Variants in PRKCE observed in about 807,000 individuals in gnomAD.
PRKCE encodes the protein protein kinase C epsilon.
Under a neutral mutation model 85.4 loss-of-function variants are expected in PRKCE, and 16 were observed. That is an observed-to-expected ratio of 0.19 (90% CI 0.13 to 0.28). The LOEUF (loss-of-function observed/expected upper bound fraction) is 0.28. Among genes scored for constraint, PRKCE ranks in the 10% least tolerant of loss-of-function variants. PRKCE has a pLI of 1.00. For synonymous variants in PRKCE, 388 were observed against 371.5 expected, an observed-to-expected ratio of 1.04 and a Z score of -0.51; for missense variants, 573 against 975.2, an observed-to-expected ratio of 0.59 and a Z score of 5.49.
intron 1 of PRKCE, among the ~76,000 whole-genome samples, chr2:45,824,206 G>T (rs1689760943): frequency 6.6e-6 from 1 of 152,240 alleles, no homozygotes; most frequent in Non-Finnish European, 1.5e-5. Flanking sequence ...GGACTGTTCT[G>T]TTGTTAACAC....
intron 1 of PRKCE, among the ~76,000 whole-genome samples, chr2:45,800,642 G>T (rs1364165489): frequency 6.6e-6 from 1 of 152,228 alleles, no homozygotes; most frequent in African/African-American, 2.4e-5. Flanking sequence ...GGGCTGCTGG[G>T]CAAGGGGTCA....
intron 2 of PRKCE, among the ~76,000 whole-genome samples, chr2:45,965,866 T>C (rs1171785061): frequency 6.6e-6 from 1 of 152,246 alleles, no homozygotes; most frequent in African/African-American, 2.4e-5. Flanking sequence ...AGTTTCTTGG[T>C]GGGCTTAGCA....
intron 1 of PRKCE, among the ~76,000 whole-genome samples, chr2:45,817,156 C>T (rs868457514): frequency 3.6e-4 from 54 of 150,614 alleles, no homozygotes; most frequent in Middle Eastern, 3.4e-3. Context: ...TTTTGGGCAA[C>T]GCTTTGCAGC....
chr2:45,897,985 A>G (rs369255956), intron 2 of PRKCE, among the ~76,000 whole-genome samples: 23 of 152,310 alleles, frequency 1.5e-4, no homozygotes, highest in African/African-American at 4.6e-4. Context: ...TTTCAGAAGT[A>G]TATACCTCTT....
intron 1 of PRKCE, among the ~76,000 whole-genome samples, chr2:45,839,636 C>T (rs1384199747): frequency 6.6e-6 from 1 of 152,174 alleles, no homozygotes; most frequent in Non-Finnish European, 1.5e-5. Context: ...CAGGGCTGGG[C>T]ACTTACATTG....
At chr2:45,756,932 A>G (rs996697279) in intron 1 of PRKCE, among the ~76,000 whole-genome samples, 1 of 152,174 alleles carries the variant, frequency 6.6e-6, no homozygotes. Flanking sequence ...ATGTGTGTCA[A>G]AACTTATCAA....
At chr2:45,838,486 C>A (rs1458827971) in intron 1 of PRKCE, among the ~76,000 whole-genome samples, 1 of 152,158 alleles carries the variant, frequency 6.6e-6, no homozygotes, top group Non-Finnish European at 1.5e-5. Flanking sequence ...TGTCATTGCC[C>A]TTCTTTCATG....
chr2:46,142,692 G>A (rs968858040), intron 11 of PRKCE, among the ~76,000 whole-genome samples: 2 of 152,356 alleles, frequency 1.3e-5, no homozygotes, highest in South Asian at 4.1e-4. Flanking sequence ...GGGAGGGTGA[G>A]CATCTGGGGC....
intron 1 of PRKCE, among the ~76,000 whole-genome samples, chr2:45,825,243 G>A (rs568898802): frequency 1.3e-5 from 2 of 152,348 alleles, no homozygotes; most frequent in South Asian, 2.1e-4. Context: ...TGGCTCTGCA[G>A]CCTAAGTAAG....
At chr2:45,837,744 C>G (rs1007843224) in intron 1 of PRKCE, among the ~76,000 whole-genome samples, 2 of 152,110 alleles carry the variant, frequency 1.3e-5, no homozygotes, top group African/African-American at 2.4e-5. Context: ...ATACTGTTAC[C>G]ACGCCTGTAA....
chr2:45,661,871 T>C (rs927859511), intron 1 of PRKCE, among the ~76,000 whole-genome samples: 23 of 152,062 alleles, frequency 1.5e-4, no homozygotes, highest in African/African-American at 5.3e-4. Context: ...GATGAGTGAA[T>C]CTAGAACTAA....
chr2:45,669,852 A>G (rs1215381075), intron 1 of PRKCE, among the ~76,000 whole-genome samples: 1 of 152,142 alleles, frequency 6.6e-6, no homozygotes, highest in Non-Finnish European at 1.5e-5. Flanking sequence ...CTCTACTAAA[A>G]ATACAAAAAT....
At chr2:46,045,244 T>TA (rs1258519037) in intron 10 of PRKCE, among the ~76,000 whole-genome samples, 3 of 152,246 alleles carry the variant, frequency 2.0e-5, no homozygotes, top group Non-Finnish European at 4.4e-5. Flanking sequence ...TTTACATACA[T>TA]ACATACACCC....
intron 6 of PRKCE, among the ~76,000 whole-genome samples, chr2:45,986,998 G>C (rs759893445): frequency 1.3e-4 from 20 of 151,122 alleles, no homozygotes; most frequent in Non-Finnish European, 2.2e-4. Context: ...AGCAGGGCCT[G>C]CTTTGGAGGG....
intron 2 of PRKCE, among the ~76,000 whole-genome samples, chr2:45,927,689 C>A (rs1350740977): frequency 2.0e-5 from 3 of 152,222 alleles, no homozygotes; most frequent in African/African-American, 7.2e-5. Flanking sequence ...GAAGTAAAAT[C>A]TCTCGCATAG....
At chr2:45,675,636 C>T (rs1338160723) in intron 1 of PRKCE, 2 of 152,240 alleles carry the variant, frequency 1.3e-5, no homozygotes, top group African/African-American at 4.8e-5. Flanking sequence ...TCCAGCCCTG[C>T]TCCTTTTCAA....
intron 11 of PRKCE, among the ~76,000 whole-genome samples, chr2:46,136,832 C>T (rs565165242): frequency 3.4e-4 from 52 of 152,300 alleles, no homozygotes; most frequent in South Asian, 2.3e-3. Context: ...ACTTTCTCAC[C>T]GGGCTATGCT....
At chr2:46,034,364 A>G (rs2104963910) in intron 10 of PRKCE, among the ~76,000 whole-genome samples, 2 of 152,320 alleles carry the variant, frequency 1.3e-5, no homozygotes, top group South Asian at 4.1e-4. Context: ...TTAATAAATG[A>G]TAGTGGTGAT....
intron 11 of PRKCE, among the ~76,000 whole-genome samples, chr2:46,101,344 G>C (rs975158246): frequency 2.6e-5 from 4 of 152,204 alleles, no homozygotes; most frequent in African/African-American, 9.7e-5. Context: ...TTTAGAAAAA[G>C]TCAAGGAAGG....
Sources: allele counts gnomAD v4.1 joint callset (sites outside exome capture counted in the v4.1 genomes callset), GRCh38; gene constraint gnomAD v4.1.1; transcripts MANE v1.5; gene names NCBI Gene and HGNC (gene_info 2026-07-23, HGNC 2026-07-21).